NAGS: variants seen among roughly 807,000 people sequenced by gnomAD.
The protein encoded by NAGS is N-acetylglutamate synthase.
Under a neutral mutation model 46.9 loss-of-function variants are expected in NAGS, and 34 were observed. That is an observed-to-expected ratio of 0.72 (90% CI 0.55 to 0.97). NAGS has a LOEUF of 0.97. Among genes scored for constraint, NAGS ranks in the 50% least tolerant of loss-of-function variants. The pLI is 0.00. For missense variants in NAGS, 665 were observed against 747.0 expected, an observed-to-expected ratio of 0.89 and a Z score of 1.28; for synonymous variants, 334 against 346.3, an observed-to-expected ratio of 0.96 and a Z score of 0.39.
rs1212067179 is a variant in NAGS at position 44,006,637 on chromosome 17, C to T, written c.1024C>T (p.Arg342Cys). The T allele has an allele frequency of 6.2e-7, 1 of 1,608,910 alleles. No individual in the cohort carries two copies. The highest frequency in any genetic ancestry group is 8.5e-7 in the Non-Finnish European group (1 of 1,178,250). ...GCGGCTCATCGTGGACGTGCTCAGC[C>T]GCCTGCCCCACCACTCCTCGGCCGT... ...QMRLIVDVLS[R>C]LPHHSSAVIT... Residue 342 changes from arginine to cysteine, a missense_variant, in exon 4 of 7, where the codon CGC (arginine) becomes TGC (cysteine). Arg to Cys is a radical substitution (Grantham distance 180). Transcript: ENST00000293404. This position sits in a 1 kb window ranked among gnomAD's most constrained non-coding sequence, Gnocchi z 4.8.
rs1340155951 is a variant in NAGS at position 44,007,213 on chromosome 17, G to A, written c.1097-110G>A. On this transcript the variant is annotated intron_variant, in intron 4 of 6. Coordinates refer to ENST00000293404, the MANE Select transcript of NAGS (RefSeq NM_153006.3). The surrounding 1 kb of genome is among the most constrained non-coding windows in gnomAD (Gnocchi z 5.1). ...ACCACTGAAATCATTTCACTGTGGA[G>A]GTCTCCCAAAGACGGAAATTGTCCC... 2.1e-6 allele frequency: 2 copies of A among 946,004 alleles called. No homozygotes were observed. Among genetic ancestry groups the A allele is most frequent in the Non-Finnish European group, 3.2e-6 (2 of 624,822 alleles). 58.6% of individuals were successfully genotyped at this position (946,004 alleles called of 1,614,324 possible).
intron 6 of NAGS, among the ~76,000 whole-genome samples, 169 bp from the exon 7 acceptor site, chr17:44,008,279 G>A (rs1453235291): frequency 6.6e-6 from 1 of 151,594 alleles, no homozygotes; most frequent in Non-Finnish European, 1.5e-5. Flanking sequence ...ACAATGCCAG[G>A]CTCAGGCCTC....
In NAGS at chr17:44,007,441, C is replaced by G; in HGVS notation, c.1215C>G (p.Asp405Glu). 1 of 1,613,886 alleles carries G rather than the reference C, an allele frequency of 6.2e-7. No individual in the cohort carries two copies. Among genetic ancestry groups the G allele is most frequent in the Non-Finnish European group, 8.5e-7 (1 of 1,179,996 alleles). The change falls in exon 5 of 7, where the codon GAC (aspartate) becomes GAG (glutamate). Residue 405 changes from aspartate to glutamate, a missense_variant. Coordinates refer to ENST00000293404, the MANE Select transcript of NAGS (RefSeq NM_153006.3). The surrounding 1 kb of genome is among the most constrained non-coding windows in gnomAD (Gnocchi z 5.1). ...VNASFGKKLR[D>E]DYLASLRPRL... ...CCAGCTTCGGCAAGAAGCTCAGGGACGACTACCTGGCCTCGCTGCGCCCGC... is the reference window on the plus strand; with the variant it reads ...CCAGCTTCGGCAAGAAGCTCAGGGAGGACTACCTGGCCTCGCTGCGCCCGC...
Position 44,005,605 on chromosome 17 carries a change from G to A in NAGS, c.427-32G>A. 1 of 1,604,558 alleles carries A rather than the reference G, an allele frequency of 6.2e-7. No homozygotes were observed. Among genetic ancestry groups the A allele is most frequent in the East Asian group, 2.2e-5 (1 of 44,452 alleles). On this transcript the variant is annotated intron_variant, in intron 1 of 6. Coordinates refer to ENST00000293404, the MANE Select transcript of NAGS (RefSeq NM_153006.3). This position sits in a 1 kb window ranked among gnomAD's most constrained non-coding sequence, Gnocchi z 7.2. ...GTGGGAGCCAGCGGCTCAGGTCCGTGTCACGCTCCTTGAAAGCCCACTCCT... is the reference window on the plus strand; with the variant it reads ...GTGGGAGCCAGCGGCTCAGGTCCGTATCACGCTCCTTGAAAGCCCACTCCT...
Position 44,008,621 on chromosome 17 carries a change from AGGCCCTGGAAT to A in NAGS, c.*25_*35del. On this transcript the variant is annotated 3_prime_UTR_variant, in exon 7 of 7. Transcript: ENST00000293404. Reference sequence around the variant, plus strand: ...AGCTGACCCTCACCATGGACACTACAGGCCCTGGAATGGCCAGGGTGGACCAAAAGCCATGC... The same window carrying A: ...AGCTGACCCTCACCATGGACACTACAGGCCAGGGTGGACCAAAAGCCATGC... 2 of 1,612,944 alleles carry A rather than the reference AGGCCCTGGAAT, an allele frequency of 1.2e-6. No individual in the cohort carries two copies. Among genetic ancestry groups the A allele is most frequent in the East Asian group, 4.5e-5 (2 of 44,886 alleles).
Position 44,007,517 on chromosome 17 carries a change from G to A in NAGS, c.1268+23G>A, listed in dbSNP as rs1254056686. The A allele has an allele frequency of 6.2e-7, 1 of 1,613,516 alleles. No individual in the cohort carries two copies. Among genetic ancestry groups the A allele is most frequent in the Admixed American group, 1.7e-5 (1 of 60,016 alleles). ...GGGGTAAGCCTGCGGACCCCAGAGG[G>A]CGGGGTCTGGGGGGCAGTCGGGCAG... On this transcript the variant is annotated intron_variant, in intron 5 of 6. Coordinates refer to ENST00000293404, the MANE Select transcript of NAGS (RefSeq NM_153006.3). This position sits in a 1 kb window ranked among gnomAD's most constrained non-coding sequence, Gnocchi z 5.1.
Position 44,008,531 on chromosome 17 carries a change from A to G in NAGS, c.1535A>G (p.Tyr512Cys), listed in dbSNP as rs752415489. Residue 512 changes from tyrosine to cysteine, a missense_variant, in exon 7 of 7, where the codon TAT (tyrosine) becomes TGT (cysteine). Transcript: ENST00000293404. ...GGCCTGGCTGATATCCGGGACTCCT[A>G]TGAGTTGGTCAACCACGCCAAGGGA... ...WFGLADIRDS[Y>C]ELVNHAKGLP... is the part of the protein sequence containing the mutation. 1.9e-5 allele frequency: 30 copies of G among 1,614,120 alleles called. No homozygotes were observed. The South Asian group carries it at 2.9e-4, about 15-fold the overall frequency.
rs776510200 is a variant in NAGS, at chr17:44,006,601, C to T, written c.988C>T (p.Arg330Trp). Residue 330 changes from arginine (R) to tryptophan (W), a missense_variant, in exon 4 of 7, where the codon CGG (arginine) becomes TGG (tryptophan). Arg to Trp is a moderately radical substitution (Grantham distance 101). Coordinates refer to ENST00000293404, the MANE Select transcript of NAGS (RefSeq NM_153006.3). This position sits in a 1 kb window ranked among gnomAD's most constrained non-coding sequence, Gnocchi z 4.8. ...CGCCGAGTGGGTGAGCACAAAAGAA[C>T]GGCAGCAGATGCGGCTCATCGTGGA... ...CNAEWVSTKERQQMRLIVDVL... is the reference protein window; with the variant it reads ...CNAEWVSTKEWQQMRLIVDVL... 1.9e-6 allele frequency: 3 copies of T among 1,601,124 alleles called. No individual in the cohort carries two copies. The highest frequency in any genetic ancestry group is 2.6e-6 in the Non-Finnish European group (3 of 1,174,024).
In NAGS at chr17:44,005,628, C is replaced by T. The variant is rs764462133; in HGVS notation, c.427-9C>T. ...GTGTCACGCTCCTTGAAAGCCCACT[C>T]CTCCGCAGGTGGACGAGGAGGTGCT... On this transcript the variant is annotated splice_polypyrimidine_tract_variant and intron_variant, in intron 1 of 6. Coordinates refer to ENST00000293404, the MANE Select transcript of NAGS (RefSeq NM_153006.3). This position sits in a 1 kb window ranked among gnomAD's most constrained non-coding sequence, Gnocchi z 7.2. 3.7e-6 allele frequency: 6 copies of T among 1,610,162 alleles called. No homozygotes were observed. Among genetic ancestry groups the T allele is most frequent in the Non-Finnish European group, 4.2e-6 (5 of 1,178,718 alleles).
In NAGS at chr17:44,006,580, G is replaced by A. The variant is rs747241779; in HGVS notation, c.967G>A (p.Glu323Lys). ...CGACCTGGACCTGGTGTGCAACGCC[G>A]AGTGGGTGAGCACAAAAGAACGGCA... Reference protein sequence around the residue: ...PADLDLVCNAEWVSTKERQQM... With the variant: ...PADLDLVCNAKWVSTKERQQM... The change falls in exon 4 of 7, where the codon GAG becomes AAG. Residue 323 changes from glutamate to lysine, a missense_variant. By Grantham distance (56) the Glu-to-Lys change is moderately conservative (BLOSUM62 1). Coordinates refer to ENST00000293404, the MANE Select transcript of NAGS (RefSeq NM_153006.3). This position sits in a 1 kb window ranked among gnomAD's most constrained non-coding sequence, Gnocchi z 4.8. 1.4e-5 allele frequency: 23 copies of A among 1,587,442 alleles called. No homozygotes were observed. The highest frequency in any genetic ancestry group is 1.7e-6 in the Non-Finnish European group (2 of 1,166,186).
Position 44,005,963 on chromosome 17 carries a change from C to A in NAGS, c.701+52C>A, listed in dbSNP as rs922472346. 1.4e-5 allele frequency: 21 copies of A among 1,552,940 alleles called. No homozygotes were observed. Among genetic ancestry groups the A allele is most frequent in the African/African-American group, 8.2e-5 (6 of 73,450 alleles). ...CGTCCTCAGAGCGTGCTACTCTGCC[C>A]GCCCTGCCCCGTCCGGCAGGCCTGG... On this transcript the variant is annotated intron_variant, in intron 2 of 6. Transcript: ENST00000293404. The surrounding 1 kb of genome is among the most constrained non-coding windows in gnomAD (Gnocchi z 7.2).
chr17:44,005,207 C>T lies in NAGS; in HGVS notation c.426+118C>T, dbSNP rs1300492458. On this transcript the variant is annotated intron_variant, in intron 1 of 6. Transcript: ENST00000293404. The surrounding 1 kb of genome is among the most constrained non-coding windows in gnomAD (Gnocchi z 7.2). ...TGCGCAGCGGAAGCGGGAAGGAGCC[C>T]GGCAGGGCCCAGACCAGCGCCGCCG... 7 of 1,452,126 alleles carry T rather than the reference C, an allele frequency of 4.8e-6. 1 individual carries two copies. In the African/African-American group the frequency reaches 5.6e-5, roughly 12 times the overall value. The allele number at this position is 1,452,126 out of a possible 1,614,324, so 90.0% of individuals were successfully genotyped here.
In NAGS at chr17:44,005,318, T is replaced by A. The variant is rs546001201; in HGVS notation, c.426+229T>A. Among the ~76,000 whole-genome samples, 7 of 152,180 alleles carry A rather than the reference T, an allele frequency of 4.6e-5. No homozygotes were observed. The highest frequency in any genetic ancestry group is 7.4e-5 in the Non-Finnish European group (5 of 68,026). On this transcript the variant is annotated intron_variant, in intron 1 of 6. Coordinates refer to ENST00000293404, the MANE Select transcript of NAGS (RefSeq NM_153006.3). The surrounding 1 kb of genome is among the most constrained non-coding windows in gnomAD (Gnocchi z 7.2). ...GGGGGACCCCACCCGCCAGGTGTGA[T>A]GCTCTGAAGAAGGCCCCCAACATGG... is the stretch of plus-strand genomic sequence containing the variant.
chr17:44,006,462 T>G lies in NAGS; in HGVS notation c.916-67T>G. ...ATAAAGGGGTCAGAGAAAAGAGAGG[T>G]CCGTGGGGGTAGGGGGGCAGTCCGT... On this transcript the variant is annotated intron_variant, in intron 3 of 6. Transcript: ENST00000293404. The surrounding 1 kb of genome is among the most constrained non-coding windows in gnomAD (Gnocchi z 4.8). The G allele has an allele frequency of 6.5e-7, 1 of 1,540,388 alleles. No individual in the cohort carries two copies.
chr17:44,007,825 T>A lies in NAGS; in HGVS notation c.1451+52T>A. The A allele has an allele frequency of 6.5e-7, 1 of 1,538,024 alleles. No homozygotes were observed. The highest frequency in any genetic ancestry group is 1.4e-5 in the African/African-American group (1 of 72,862). On this transcript the variant is annotated intron_variant, in intron 6 of 6. Transcript: ENST00000293404. This position sits in a 1 kb window ranked among gnomAD's most constrained non-coding sequence, Gnocchi z 5.1. The stretch of plus-strand genomic sequence containing the variant: ...GCTGGGCCCTGACTTCCCTCCCCTC[T>A]CCCACCCTTGCCAACCATGCCAAGA...
At position 44,006,811 on chromosome 17, in the gene NAGS, G is replaced by A. The variant is rs2049099090; in HGVS notation, c.1096+102G>A. 7.8e-7 allele frequency: 1 copy of A among 1,277,868 alleles called. No individual in the cohort carries two copies. Among genetic ancestry groups the A allele is most frequent in the African/African-American group, 1.5e-5 (1 of 68,158 alleles). 79.2% of individuals were successfully genotyped at this position (1,277,868 alleles called of 1,614,324 possible). On this transcript the variant is annotated intron_variant, in intron 4 of 6. Coordinates refer to ENST00000293404, the MANE Select transcript of NAGS (RefSeq NM_153006.3). This position sits in a 1 kb window ranked among gnomAD's most constrained non-coding sequence, Gnocchi z 4.8. ...GAGCGGCTTCTCCTCCTGTCCAGGA[G>A]CCGTAGGGGGAGGCGGGGGGTGTCA... is the stretch of plus-strand genomic sequence containing the variant.
Position 44,005,126 on chromosome 17 carries a change from G to T in NAGS, c.426+37G>T. 1.3e-6 allele frequency: 2 copies of T among 1,543,190 alleles called. No individual in the cohort carries two copies. The highest frequency in any genetic ancestry group is 2.4e-5 in the East Asian group (1 of 41,846). On this transcript the variant is annotated intron_variant, in intron 1 of 6. Transcript: ENST00000293404. This position sits in a 1 kb window ranked among gnomAD's most constrained non-coding sequence, Gnocchi z 7.2. ...CCGGCGTGGGCCGTGACGCAGCGAGGGGATGGGGTTGTGCGGCCACCTGTC... is the reference window on the plus strand; with the variant it reads ...CCGGCGTGGGCCGTGACGCAGCGAGTGGATGGGGTTGTGCGGCCACCTGTC...
At position 44,005,793 on chromosome 17, in the gene NAGS, C is replaced by T. The variant is rs777810717; in HGVS notation, c.583C>T (p.Gln195Ter). The change falls in exon 2 of 7, where the codon CAG becomes TAG. Residue 195 changes from glutamine (Q) to a stop codon, truncating the protein, a stop_gained. Coordinates refer to ENST00000293404, the MANE Select transcript of NAGS (RefSeq NM_153006.3). LOFTEE classifies it high-confidence loss of function. The surrounding 1 kb of genome is among the most constrained non-coding windows in gnomAD (Gnocchi z 7.2). ...GCLSFWEAKA[Q>*]LAKSCKVLVD... ...TCTTTCCTTCTGGGAGGCCAAGGCG[C>T]AGCTGGCCAAGAGCTGCAAGGTGCT... 6.3e-7 allele frequency: 1 copy of T among 1,587,994 alleles called. No individual in the cohort carries two copies. The highest frequency in any genetic ancestry group is 8.6e-7 in the Non-Finnish European group (1 of 1,168,338).
In NAGS at chr17:44,006,668, C is replaced by T; in HGVS notation, c.1055C>T (p.Thr352Ile). 6.2e-7 allele frequency: 1 copy of T among 1,611,536 alleles called. No homozygotes were observed. Among genetic ancestry groups the T allele is most frequent in the Non-Finnish European group, 8.5e-7 (1 of 1,179,152 alleles). Residue 352 changes from threonine (T) to isoleucine (I), a missense_variant, in exon 4 of 7, where the codon ACC becomes ATC. By Grantham distance (89) the Thr-to-Ile change is moderately conservative. Coordinates refer to ENST00000293404, the MANE Select transcript of NAGS (RefSeq NM_153006.3). The surrounding 1 kb of genome is among the most constrained non-coding windows in gnomAD (Gnocchi z 4.8). ...CCCCACCACTCCTCGGCCGTCATCA[C>T]CGCCGCTAGCACGCTGCTCACTGAG... Reference protein sequence around the residue: ...RLPHHSSAVITAASTLLTELF... With the variant: ...RLPHHSSAVIIAASTLLTELF...
Sources: allele counts gnomAD v4.1 joint callset (sites outside exome capture counted in the v4.1 genomes callset), GRCh38; gene constraint gnomAD v4.1.1; non-coding constraint Gnocchi (gnomAD v3.1); transcripts MANE v1.5; gene names NCBI Gene and HGNC (gene_info 2026-07-23, HGNC 2026-07-21).